Variants in RFX7 observed in about 807,000 individuals in gnomAD.
RFX7 encodes the protein regulatory factor X7, also known as DNA-binding protein RFX7.
RFX7 carries 26 observed loss-of-function variants against 111.8 expected under a neutral mutation model. The ratio of observed to expected loss-of-function variants is 0.23; its 90% confidence interval spans 0.17 to 0.32. The LOEUF is 0.32. RFX7 is among the 10% of genes least tolerant of loss of function. The probability of loss-of-function intolerance (pLI) is 1.00; values close to 1 mark genes in which losing one functional copy is unlikely to be tolerated. For synonymous variants in RFX7, 624 were observed against 624.4 expected (o/e 1.00, Z 0.01); for missense variants, 1,573 against 1,772.9 (o/e 0.89, Z 2.02).
chr15:56,195,578 C>G lies in RFX7; in HGVS notation c.162-16275G>C, dbSNP rs77874341. Among the ~76,000 whole-genome samples, 66 of 152,186 alleles carry G rather than the reference C, an allele frequency of 4.3e-4. 1 individual carries two copies. The East Asian group carries it at 8.1e-3, about 19-fold the overall frequency. ...TGCCTGCTCTTATGAATTTTAGAGA[C>G]TCTACTTTTCATGAAAGGAAATTAA... On this transcript the variant is annotated intron_variant, in intron 2 of 9. Transcript: ENST00000559447.
At position 56,213,981 on chromosome 15, in the gene RFX7, C is replaced by A. The variant is rs370837897; in HGVS notation, c.161+29144G>T. On this transcript the variant is annotated intron_variant, in intron 2 of 9. Coordinates refer to ENST00000559447, the MANE Select transcript of RFX7 (RefSeq NM_022841.7). ...TTTCACTTTTTTTCTATATTGATAG[C>A]CCGTGATCTTAGCACCATTATATAG... 1.3e-5 allele frequency among the ~76,000 whole-genome samples: 2 copies of A among 152,182 alleles called. 1 individual carries two copies.
intron 2 of RFX7, among the ~76,000 whole-genome samples, chr15:56,229,506 C>T (rs1376978221): frequency 1.3e-5 from 2 of 152,152 alleles, no homozygotes; most frequent in Non-Finnish European, 2.9e-5. Flanking sequence ...ACCTCGTGAT[C>T]CGCCTGTCTT....
rs2043753955 is a variant in RFX7, at chr15:56,243,742, C to T, written c.-300G>A. On this transcript the variant is annotated 5_prime_UTR_variant, in exon 1 of 10. Transcript: ENST00000559447. ...CCCCGGGGCTTTCTACTGCCGGGTC[C>T]CCGTGCTGCTGCAGCCCCAGGCACC... Among the ~76,000 whole-genome samples the T allele has an allele frequency of 6.6e-6, 1 of 151,106 alleles. No homozygotes were observed.
At position 56,088,049 on chromosome 15, in the gene RFX7, A is replaced by G; in HGVS notation, c.*5296T>C. On this transcript the variant is annotated 3_prime_UTR_variant, in exon 10 of 10. Transcript: ENST00000559447. Reference sequence around the variant, plus strand: ...AATTTGGAGGAAAATTACAAACTACAGGTAAATCTAAAAGCAATAAAAATG... The same window carrying G: ...AATTTGGAGGAAAATTACAAACTACGGGTAAATCTAAAAGCAATAAAAATG... 4.1e-6 allele frequency: 1 copy of G among 242,690 alleles called. No homozygotes were observed. Among genetic ancestry groups the G allele is most frequent in the Non-Finnish European group, 8.4e-6 (1 of 119,082 alleles). The allele number at this position is 242,690 out of a possible 1,614,324, so 15.0% of individuals were successfully genotyped here.
chr15:56,241,963 C>T (rs1461112706), intron 2 of RFX7, among the ~76,000 whole-genome samples: 1 of 152,154 alleles, frequency 6.6e-6, no homozygotes, highest in Non-Finnish European at 1.5e-5. Flanking sequence ...ATGAAAATTA[C>T]TATATAACTA....
intron 3 of RFX7, among the ~76,000 whole-genome samples, chr15:56,161,464 T>G (rs552246097): frequency 6.6e-6 from 1 of 152,232 alleles, no homozygotes; most frequent in African/African-American, 2.4e-5. Context: ...ATGATTATAT[T>G]ACATTATAAA....
At chr15:56,181,572 GA>G (rs1323429659) in intron 2 of RFX7, among the ~76,000 whole-genome samples, 17 of 149,568 alleles carry the variant, frequency 1.1e-4, no homozygotes, top group African/African-American at 2.9e-4. Flanking sequence ...ATGAATAAAT[GA>G]AAAAAAAAAT....
intron 3 of RFX7, among the ~76,000 whole-genome samples, chr15:56,155,532 C>T (rs142819928): frequency 4.6e-5 from 7 of 152,232 alleles, no homozygotes; most frequent in Admixed American, 1.3e-4. Flanking sequence ...CCAAATACTG[C>T]GTGTTCTCGC....
At position 56,087,306 on chromosome 15, in the gene RFX7, T is replaced by C. The variant is rs2041539325; in HGVS notation, c.*6039A>G. 1 of 371,898 alleles carries C rather than the reference T, an allele frequency of 2.7e-6. No homozygotes were observed. Among genetic ancestry groups the C allele is most frequent in the East Asian group, 7.4e-5 (1 of 13,580 alleles). The allele number at this position is 371,898 out of a possible 1,614,324, so 23.0% of individuals were successfully genotyped here. On this transcript the variant is annotated 3_prime_UTR_variant, in exon 10 of 10. Coordinates refer to ENST00000559447, the MANE Select transcript of RFX7 (RefSeq NM_022841.7). ...GTGAGTTAAACCAGAAAGACATTTATTTCTCTCATGTAAAACACATCCAGA... is the reference window on the plus strand; with the variant it reads ...GTGAGTTAAACCAGAAAGACATTTACTTCTCTCATGTAAAACACATCCAGA...
intron 5 of RFX7, among the ~76,000 whole-genome samples, chr15:56,104,470 G>C (rs1234607172): frequency 1.3e-5 from 2 of 152,158 alleles, no homozygotes; most frequent in African/African-American, 4.8e-5. Context: ...GAAGCCAGAG[G>C]AATTCCCTTG....
At chr15:56,140,970 T>A (rs1282453231) in intron 5 of RFX7, among the ~76,000 whole-genome samples, 1 of 152,196 alleles carries the variant, frequency 6.6e-6, no homozygotes, top group Non-Finnish European at 1.5e-5. Context: ...CAGATTAAAG[T>A]CATCACTTCA....
chr15:56,232,714 T>A (rs1033206965), intron 2 of RFX7, among the ~76,000 whole-genome samples: 15 of 152,158 alleles, frequency 9.9e-5, no homozygotes, highest in Admixed American at 3.9e-4. Context: ...TGCATAGAAA[T>A]TGCTTCTGCC....
chr15:56,146,871 A>T (rs200677287), intron 3 of RFX7, among the ~76,000 whole-genome samples: 36 of 152,272 alleles, frequency 2.4e-4, no homozygotes, highest in African/African-American at 8.4e-4. Context: ...AAAAAAAATG[A>T]CTCAAGTGTA....
chr15:56,152,150 A>G (rs1424888587), intron 3 of RFX7, among the ~76,000 whole-genome samples: 6 of 152,236 alleles, frequency 3.9e-5, no homozygotes, highest in African/African-American at 1.4e-4. Flanking sequence ...TAAATGAGAT[A>G]GAAAATTAAC....
chr15:56,205,229 T>G (rs554021983), intron 2 of RFX7, among the ~76,000 whole-genome samples: 2 of 152,216 alleles, frequency 1.3e-5, no homozygotes, highest in Non-Finnish European at 2.9e-5. Flanking sequence ...CAGATAGCTG[T>G]AATTGCCAGT....
In RFX7 at chr15:56,093,259, A is replaced by G. The variant is rs1473310520; in HGVS notation, c.*86T>C. 1 of 1,173,560 alleles carries G rather than the reference A, an allele frequency of 8.5e-7. No homozygotes were observed. Among genetic ancestry groups the G allele is most frequent in the Non-Finnish European group, 1.2e-6 (1 of 856,092 alleles). 72.7% of individuals were successfully genotyped at this position (1,173,560 alleles called of 1,614,324 possible). A position where few individuals can be genotyped will look rare whatever the true frequency, so the allele number is the denominator to read the frequency against. On this transcript the variant is annotated 3_prime_UTR_variant, in exon 10 of 10. Transcript: ENST00000559447. ...CTTTTAAAATGTCACAATTAATAGT[A>G]TTTCTGCTGCGGGAGGCACTTCCAT... is the stretch of plus-strand genomic sequence containing the variant.
At chr15:56,224,937 C>T (rs1183368882) in intron 2 of RFX7, among the ~76,000 whole-genome samples, 1 of 152,068 alleles carries the variant, frequency 6.6e-6, no homozygotes, top group Non-Finnish European at 1.5e-5. Flanking sequence ...TAACCAACTG[C>T]ACTAATACCA....
intron 3 of RFX7, among the ~76,000 whole-genome samples, chr15:56,161,471 T>C (rs1365130672): frequency 6.6e-6 from 1 of 151,968 alleles, no homozygotes; most frequent in Non-Finnish European, 1.5e-5. Context: ...TATTACATTA[T>C]AAAAGAAAAA....
At chr15:56,243,066 C>CCA in intron 2 of RFX7, 59 bp downstream of exon 2, 3 of 1,161,752 alleles carry the variant, frequency 2.6e-6, no homozygotes, top group Non-Finnish European at 2.3e-6. Flanking sequence ...GCCCCCCACC[C>CCA]ACTTTGCAGC....
Sources: gnomAD v4.1 joint callset for allele counts (sites outside exome capture counted in the v4.1 genomes callset) on GRCh38, gnomAD v4.1.1 for gene constraint, MANE v1.5 for transcripts, NCBI Gene and HGNC (gene_info 2026-07-23, HGNC 2026-07-21) for gene names.